TTC1: variants seen among roughly 807,000 people sequenced by gnomAD.
TTC1 encodes tetratricopeptide repeat domain 1.
TTC1 carries 31 observed loss-of-function variants against 37.6 expected under a neutral mutation model. That is an observed-to-expected ratio of 0.82 (90% CI 0.62 to 1.11). The LOEUF is 1.11. TTC1 is among the 50% of genes most tolerant of loss of function. TTC1 has a pLI of 0.00. For synonymous variants in TTC1, 127 were observed against 122.4 expected (o/e 1.04, Z -0.25); for missense variants, 351 against 339.0 (o/e 1.04, Z -0.28).
chr5:160,060,592 G>C (rs1263167670), intron 7 of TTC1, among the ~76,000 whole-genome samples: 1 of 152,212 alleles, frequency 6.6e-6, no homozygotes, highest in African/African-American at 2.4e-5. Flanking sequence ...GAATTTGACA[G>C]CCAGTGGAAA....
At chr5:160,052,113 T>C (rs1757415953) in intron 7 of TTC1, among the ~76,000 whole-genome samples, 1 of 152,216 alleles carries the variant, frequency 6.6e-6, no homozygotes, top group Non-Finnish European at 1.5e-5. Flanking sequence ...AGACTCAGAC[T>C]GTAAAGACGG....
intron 2 of TTC1, among the ~76,000 whole-genome samples, chr5:160,022,378 T>A (rs1431491754): frequency 6.6e-6 from 1 of 152,226 alleles, no homozygotes; most frequent in East Asian, 1.9e-4. Context: ...ATTATATCAG[T>A]TGAAGTTCTC....
intron 2 of TTC1, among the ~76,000 whole-genome samples, chr5:160,025,083 A>G (rs1463896318): frequency 1.3e-5 from 2 of 152,198 alleles, no homozygotes; most frequent in Admixed American, 1.3e-4. Context: ...GCTGAAGTGC[A>G]GTGGTGCAAT....
At chr5:160,029,943 C>T (rs928889111) in intron 2 of TTC1, among the ~76,000 whole-genome samples, 2 of 152,206 alleles carry the variant, frequency 1.3e-5, no homozygotes, top group African/African-American at 4.8e-5. Context: ...AGGGCCTTGA[C>T]AGGAGCCTCT....
intron 7 of TTC1, among the ~76,000 whole-genome samples, chr5:160,061,067 CG>C (rs914190434): frequency 4.6e-5 from 7 of 152,230 alleles, no homozygotes; most frequent in African/African-American, 1.7e-4. Flanking sequence ...TCCTGTGGCA[CG>C]GGAACCGTAG....
At position 160,045,495 on chromosome 5, in the gene TTC1, CACACACACACACACACACA is replaced by C. The variant is rs1361667927; in HGVS notation, c.541+2327_541+2345del. On this transcript the variant is annotated intron_variant, in intron 5 of 7. Coordinates refer to ENST00000231238, the MANE Select transcript of TTC1 (RefSeq NM_003314.3). ...ACACACACACACACACACACACACA[CACACACACACACACACACA>C]TACACACTCTCTCTCTCTCTCTCTC... Among the ~76,000 whole-genome samples the C allele has an allele frequency of 6.4e-3, 739 of 116,046 alleles. 7 individuals are homozygous for C. The highest frequency in any genetic ancestry group is 0.021 in the East Asian group (73 of 3,506). The allele number at this position is 116,046 out of a possible 152,430, so 76.1% of individuals were successfully genotyped here. A position where few individuals can be genotyped will look rare whatever the true frequency, so the allele number is the denominator to read the frequency against.
Position 160,051,167 on chromosome 5 carries a change from A to G in TTC1, c.729A>G (p.Leu243=), listed in dbSNP as rs773854806. ...PKQIEERNER[L]KEEMLGKLKD... ...AAATTGAAGAACGTAATGAAAGACT[A>G]AAAGAAGAGATGTTAGGTAAGCTTA... Residue 243 remains leucine (L), a synonymous_variant, in exon 7 of 8, where the codon CTA becomes CTG. Coordinates refer to ENST00000231238, the MANE Select transcript of TTC1 (RefSeq NM_003314.3). The G allele has an allele frequency of 3.7e-6, 6 of 1,611,020 alleles. No individual in the cohort carries two copies. Among genetic ancestry groups the G allele is most frequent in the Non-Finnish European group, 5.1e-6 (6 of 1,178,204 alleles).
intron 2 of TTC1, among the ~76,000 whole-genome samples, chr5:160,011,861 TTGAGA>T (rs989406547): frequency 2.6e-4 from 40 of 152,302 alleles, no homozygotes; most frequent in African/African-American, 8.7e-4. Context: ...TACATTGGTA[TTGAGA>T]TGAGATAATA....
intron 4 of TTC1, among the ~76,000 whole-genome samples, chr5:160,042,319 C>T (rs1757114247): frequency 6.6e-6 from 1 of 152,196 alleles, no homozygotes; most frequent in African/African-American, 2.4e-5. Context: ...CTACAGTAGG[C>T]ATTGTGAGAA....
chr5:160,039,262 C>A (rs1367269228), intron 4 of TTC1: 1 of 150,974 alleles, frequency 6.6e-6, no homozygotes, highest in African/African-American at 2.4e-5. Flanking sequence ...AGAGCAGAGC[C>A]CTAAAAGAGT....
At chr5:160,037,108 T>C (rs1180863503) in intron 4 of TTC1, among the ~76,000 whole-genome samples, 1 of 152,006 alleles carries the variant, frequency 6.6e-6, no homozygotes, top group Non-Finnish European at 1.5e-5. Context: ...CTAGAATAGC[T>C]CTAGATCCTT....
At chr5:160,025,055 TCTCA>T (rs1254282779) in intron 2 of TTC1, among the ~76,000 whole-genome samples, 1 of 152,200 alleles carries the variant, frequency 6.6e-6, no homozygotes, top group Non-Finnish European at 1.5e-5. Flanking sequence ...TGAGACGAAG[TCTCA>T]CTCTGTCACC....
intron 2 of TTC1, among the ~76,000 whole-genome samples, chr5:160,031,278 T>C (rs1343570988): frequency 6.6e-6 from 1 of 152,152 alleles, no homozygotes; most frequent in Non-Finnish European, 1.5e-5. Context: ...TACTACTCAG[T>C]GGGCCACTGG....
rs1457774834 is a variant in TTC1 at position 160,057,499 on chromosome 5, T to C, written c.745+6316T>C. On this transcript the variant is annotated intron_variant, in intron 7 of 7. Transcript: ENST00000231238. The surrounding 1 kb of genome is among the most constrained non-coding windows in gnomAD (Gnocchi z 4.4). The stretch of plus-strand genomic sequence containing the variant: ...CTTTAGGGAGTTGTAATCATTTTGC[T>C]GCTGGAGGGCCTTGCCTCCACGTGG... Among the ~76,000 whole-genome samples the C allele has an allele frequency of 1.3e-5, 2 of 152,232 alleles. No individual in the cohort carries two copies. Among genetic ancestry groups the C allele is most frequent in the East Asian group, 3.8e-4 (2 of 5,204 alleles).
chr5:160,060,503 C>G (rs982103445), intron 7 of TTC1, among the ~76,000 whole-genome samples: 1 of 152,114 alleles, frequency 6.6e-6, no homozygotes, highest in Non-Finnish European at 1.5e-5. Context: ...TGGACATATT[C>G]AGGCTGAGTG....
intron 2 of TTC1, among the ~76,000 whole-genome samples, chr5:160,016,807 G>A (rs745752912): frequency 2.0e-5 from 3 of 152,152 alleles, no homozygotes; most frequent in Non-Finnish European, 4.4e-5. Context: ...TAGTATTAAA[G>A]GTTTCTTGTT....
intron 4 of TTC1, chr5:160,039,192 A>G (rs1757046452): frequency 6.6e-6 from 1 of 152,012 alleles, no homozygotes; most frequent in Non-Finnish European, 1.5e-5. Flanking sequence ...ATATCTGGAG[A>G]GAGAAAAGGT....
chr5:160,036,889 G>A, intron 4 of TTC1, 86 bp downstream of exon 4: 1 of 920,696 alleles, frequency 1.1e-6, no homozygotes, highest in Non-Finnish European at 1.7e-6. Flanking sequence ...AACTAGCATA[G>A]AGGTTGCTGC....
At chr5:160,019,877 G>T (rs1257502663) in intron 2 of TTC1, among the ~76,000 whole-genome samples, 1 of 151,552 alleles carries the variant, frequency 6.6e-6, no homozygotes, top group Non-Finnish European at 1.5e-5. Context: ...ACTGTGCCCT[G>T]CCTCCTGCCT....
Sources: allele counts gnomAD v4.1 joint callset (sites outside exome capture counted in the v4.1 genomes callset), GRCh38; gene constraint gnomAD v4.1.1; non-coding constraint Gnocchi (gnomAD v3.1); transcripts MANE v1.5; gene names NCBI Gene and HGNC (gene_info 2026-07-23, HGNC 2026-07-21).